The following ADAM12 variants were observed in gnomAD, a reference collection of about 807,000 sequenced individuals.
ADAM12 encodes ADAM metallopeptidase domain 12, also known as disintegrin and metalloproteinase domain-containing protein 12.
Under a neutral mutation model 106.4 loss-of-function variants are expected in ADAM12, and 70 were observed. The observed-to-expected ratio is 0.66, with a 90% CI of 0.54 to 0.80. The LOEUF is 0.80. ADAM12 is among the 30% of genes least tolerant of loss of function. The probability of loss-of-function intolerance (pLI) is 0.00; values close to 1 mark genes in which losing one functional copy is unlikely to be tolerated. For synonymous variants in ADAM12, 420 were observed against 433.5 expected (o/e 0.97, Z 0.39); for missense variants, 1,010 against 1,171.9 (o/e 0.86, Z 2.02).
At chr10:126,256,379 G>A (rs559886081) in intron 3 of ADAM12, among the ~76,000 whole-genome samples, 14 of 152,232 alleles carry the variant, frequency 9.2e-5, no homozygotes, top group African/African-American at 2.6e-4. Flanking sequence ...CAACAACTAC[G>A]GGATCTTGGG....
intron 1 of ADAM12, among the ~76,000 whole-genome samples, chr10:126,382,451 C>T (rs1856528922): frequency 6.6e-6 from 1 of 152,250 alleles, no homozygotes; most frequent in Non-Finnish European, 1.5e-5. Context: ...AACGGCAACA[C>T]TATCTTCTTT....
At chr10:126,221,412 GA>G in intron 3 of ADAM12, among the ~76,000 whole-genome samples, 1 of 146,778 alleles carries the variant, frequency 6.8e-6, no homozygotes, top group Non-Finnish European at 1.5e-5. Flanking sequence ...AAAAAAGAAA[GA>G]AAGAAAGAAA....
chr10:126,021,953 C>G lies in ADAM12; in HGVS notation c.2530-2128G>C, dbSNP rs1442102223. ...CCTATAGATAACAGAAAACTGTGAG[C>G]AAGACATTAGTGTGTCATGTAAAAA... is the stretch of plus-strand genomic sequence containing the variant. On this transcript the variant is annotated intron_variant, in intron 21 of 22. Transcript: ENST00000448723. Among the ~76,000 whole-genome samples the G allele has an allele frequency of 2.0e-5, 3 of 152,222 alleles. No individual in the cohort carries two copies. In the East Asian group the frequency reaches 5.8e-4, roughly 29 times the overall value.
chr10:126,170,933 G>A (rs1199409573), intron 3 of ADAM12, among the ~76,000 whole-genome samples: 4 of 152,190 alleles, frequency 2.6e-5, no homozygotes, highest in Non-Finnish European at 5.9e-5. Flanking sequence ...ATGCTGTCGA[G>A]AACCCTAGAG....
chr10:126,316,628 A>G (rs1199160298), intron 2 of ADAM12, among the ~76,000 whole-genome samples: 1 of 152,074 alleles, frequency 6.6e-6, no homozygotes, highest in Non-Finnish European at 1.5e-5. Context: ...AGGCTGAGGC[A>G]GGTGGATCGC....
intron 3 of ADAM12, among the ~76,000 whole-genome samples, chr10:126,160,629 T>C (rs1956915740): frequency 6.6e-6 from 1 of 152,230 alleles, no homozygotes; most frequent in African/African-American, 2.4e-5. Flanking sequence ...CAGGGCTTTG[T>C]GTGCCCCTGC....
chr10:126,162,390 G>A (rs1490475568), intron 3 of ADAM12, among the ~76,000 whole-genome samples: 3 of 152,186 alleles, frequency 2.0e-5, no homozygotes, highest in Non-Finnish European at 2.9e-5. Context: ...CGGGCAACGC[G>A]CAGAGGGGAG....
chr10:126,093,913 G>T, intron 11 of ADAM12, 72 bp downstream of exon 11: 1 of 1,577,224 alleles, frequency 6.3e-7, no homozygotes, highest in South Asian at 1.2e-5. Context: ...GAGACACTTT[G>T]ACTCATCTGG....
At chr10:126,342,315 A>G (rs1410777884) in intron 1 of ADAM12, among the ~76,000 whole-genome samples, 1 of 152,240 alleles carries the variant, frequency 6.6e-6, no homozygotes, top group Admixed American at 6.5e-5. Context: ...GACTTTGGCC[A>G]TTGAATTTGG....
At chr10:126,308,362 A>C (rs1053271131) in intron 2 of ADAM12, among the ~76,000 whole-genome samples, 7 of 152,212 alleles carry the variant, frequency 4.6e-5, no homozygotes, top group African/African-American at 1.7e-4. Flanking sequence ...CTTGTCTCCC[A>C]AGTTACCAGC....
At chr10:126,296,314 T>C (rs1276520068) in intron 2 of ADAM12, among the ~76,000 whole-genome samples, 4 of 152,154 alleles carry the variant, frequency 2.6e-5, no homozygotes, top group African/African-American at 7.2e-5. Context: ...ACTAATTTTT[T>C]AGTAGAGACA....
At chr10:126,321,391 T>A (rs1451334141) in intron 2 of ADAM12, among the ~76,000 whole-genome samples, 1 of 152,038 alleles carries the variant, frequency 6.6e-6, no homozygotes, top group Non-Finnish European at 1.5e-5. Flanking sequence ...CCCGATTCAA[T>A]AAAAACAATT....
intron 21 of ADAM12, among the ~76,000 whole-genome samples, chr10:126,021,059 T>A (rs1261526280): frequency 6.6e-6 from 1 of 150,632 alleles, no homozygotes; most frequent in Non-Finnish European, 1.5e-5. Context: ...CTCCTGTGGA[T>A]ACCCATGAGA....
At chr10:126,079,046 A>T (rs753611290) in intron 11 of ADAM12, among the ~76,000 whole-genome samples, 32 of 152,138 alleles carry the variant, frequency 2.1e-4, no homozygotes, top group Non-Finnish European at 3.7e-4. Context: ...CAGCACCAGG[A>T]ACTTTCTAGA....
intron 21 of ADAM12, among the ~76,000 whole-genome samples, chr10:126,023,630 A>T (rs1288345799): frequency 6.6e-6 from 1 of 152,212 alleles, no homozygotes; most frequent in Admixed American, 6.5e-5. Flanking sequence ...CTAGAAGTAA[A>T]TACATACTAT....
intron 3 of ADAM12, among the ~76,000 whole-genome samples, chr10:126,235,979 A>C (rs1958407789): frequency 6.6e-6 from 1 of 152,146 alleles, no homozygotes; most frequent in Admixed American, 6.5e-5. Context: ...AGGCGAGGGC[A>C]GCCCAGGGCC....
intron 5 of ADAM12, among the ~76,000 whole-genome samples, chr10:126,134,481 C>T (rs1453945474): frequency 6.6e-6 from 1 of 152,146 alleles, no homozygotes; most frequent in African/African-American, 2.4e-5. Flanking sequence ...CTGAGTGGGA[C>T]TGGAACGGGA....
rs545727773 is a variant in ADAM12 at position 126,075,355 on chromosome 10, TCA to T, written c.1146-3703_1146-3702del. Among the ~76,000 whole-genome samples the T allele has an allele frequency of 2.6e-4, 40 of 152,272 alleles. 2 individuals are homozygous for T. Among genetic ancestry groups the T allele is most frequent in the African/African-American group, 9.4e-4 (39 of 41,544 alleles). Reference sequence around the variant, plus strand: ...AGAGGAAGAAAATCAGAACAGCCTATCACACATCATTCCATTATTCCCCAAGT... The same window carrying T: ...AGAGGAAGAAAATCAGAACAGCCTATCACATCATTCCATTATTCCCCAAGT... On this transcript the variant is annotated intron_variant, in intron 11 of 22. Coordinates refer to ENST00000448723, the MANE Select transcript of ADAM12 (RefSeq NM_001288973.2).
rs763249265 is a variant in ADAM12, at chr10:126,205,809, C to G, written c.261-50504G>C. 3.3e-5 allele frequency among the ~76,000 whole-genome samples: 5 copies of G among 152,158 alleles called. No homozygotes were observed. In the East Asian group the frequency reaches 5.8e-4, roughly 18 times the overall value. On this transcript the variant is annotated intron_variant, in intron 3 of 22. Coordinates refer to ENST00000448723, the MANE Select transcript of ADAM12 (RefSeq NM_001288973.2). ...ATGTTACTGTCTGTGAAAGACTGATCGGTATATCCTGGAGATTTTTCTTTT... is the reference window on the plus strand; with the variant it reads ...ATGTTACTGTCTGTGAAAGACTGATGGGTATATCCTGGAGATTTTTCTTTT...
Sources: allele counts gnomAD v4.1 joint callset (sites outside exome capture counted in the v4.1 genomes callset), GRCh38; gene constraint gnomAD v4.1.1; transcripts MANE v1.5; gene names NCBI Gene and HGNC (gene_info 2026-07-23, HGNC 2026-07-21).